Variants in TMEM114 observed in about 807,000 individuals in gnomAD.
The protein encoded by TMEM114 is claudin-26.
TMEM114 carries 6 observed loss-of-function variants against 6.2 expected under a neutral mutation model. The observed-to-expected ratio is 0.97, with a 90% CI of 0.53 to 1.91. The LOEUF is 1.91. TMEM114 is among the 40% of genes most tolerant of loss of function. The pLI is 0.01. For missense variants in TMEM114, 218 were observed against 158.3 expected (o/e 1.38, Z -2.02); for synonymous variants, 104 against 73.0 (o/e 1.42, Z -2.16).
In TMEM114 at chr16:8,573,405, T is replaced by C. The variant is rs190313718; in HGVS notation, c.302-1181A>G. On this transcript the variant is annotated intron_variant, in intron 2 of 3. Coordinates refer to ENST00000620492, the MANE Select transcript of TMEM114 (RefSeq NM_001146336.2). ...CCAAACAGTCAAAGATAAATAATAA[T>C]ACAACTTGTAAAATCAGCAAGTGGA... is the stretch of plus-strand genomic sequence containing the variant. Among the ~76,000 whole-genome samples, 188 of 152,130 alleles carry C rather than the reference T, an allele frequency of 1.2e-3. 1 individual carries two copies. Among genetic ancestry groups the C allele is most frequent in the African/African-American group, 4.0e-3 (165 of 41,498 alleles).
intron 2 of TMEM114, among the ~76,000 whole-genome samples, chr16:8,556,588 G>A (rs10431953): frequency 0.022 from 3,400 of 151,966 alleles, 133 homozygotes; most frequent in East Asian, 0.15. Flanking sequence ...TGCAACCTCC[G>A]CCTCCCGAGA....
chr16:8,581,483 C>T (rs1454374988), intron 2 of TMEM114, among the ~76,000 whole-genome samples: 3 of 152,026 alleles, frequency 2.0e-5, no homozygotes, highest in Admixed American at 6.6e-5. Context: ...AGACAGGGTC[C>T]CACTCTATTG....
At chr16:8,549,456 A>T (rs1900775246) in intron 2 of TMEM114, among the ~76,000 whole-genome samples, 1 of 148,274 alleles carries the variant, frequency 6.7e-6, no homozygotes, top group Admixed American at 6.8e-5. Flanking sequence ...GCCACGATTG[A>T]GCCACTTCAC....
rs1214095050 is a variant in TMEM114, at chr16:8,589,622, G to A, written c.217C>T (p.Arg73Trp). ...SSHSGLWRTC[R>W]VQSPCTPLMN... ...CAGCCACGGGGTGCACCCTTACCCC[G>A]GCAGGTCCGCCAGAGGCCGGAGTGG... The change falls in exon 1 of 4, where the codon CGG (arginine) becomes TGG (tryptophan). Residue 73 changes from arginine to tryptophan, a missense_variant. Transcript: ENST00000620492. 3.3e-5 allele frequency: 13 copies of A among 398,396 alleles called. No individual in the cohort carries two copies. The highest frequency in any genetic ancestry group is 6.2e-5 in the African/African-American group (3 of 48,626). 24.7% of individuals were successfully genotyped at this position (398,396 alleles called of 1,614,324 possible).
rs2141682186 is a variant in TMEM114 at position 8,569,981 on chromosome 16, C to G, written c.464G>C (p.Ser155Thr). 6.4e-7 allele frequency: 1 copy of G among 1,550,612 alleles called. No individual in the cohort carries two copies. The change falls in exon 4 of 4, where the codon AGC (serine) becomes ACC (threonine). Residue 155 changes from serine (S) to threonine (T), a missense_variant. Ser to Thr is a moderately conservative substitution (Grantham distance 58). Transcript: ENST00000620492. ...GGCGGCTGAATACGCTATGTAGACG[C>G]TGATCCCAGCGAGGGTCACCATGGC... ...FGAMVTLAGISVYIAYSAAAF... is the reference protein window; with the variant it reads ...FGAMVTLAGITVYIAYSAAAF...
chr16:8,555,605 C>A lies in TMEM114; in HGVS notation n.213-17779G>T, dbSNP rs1185071311. Among the ~76,000 whole-genome samples, 6 of 152,202 alleles carry A rather than the reference C, an allele frequency of 3.9e-5. No individual in the cohort carries two copies. The East Asian group carries it at 1.2e-3, about 29-fold the overall frequency. On this transcript the variant is annotated intron_variant and non_coding_transcript_variant, in intron 2 of 2. Coordinates refer to the TMEM114 transcript ENST00000623677. Reference sequence around the variant, plus strand: ...GTCCCAGCTTCCACCAGTCTTCAATCTGGTCCGGGGTCCAGTTATATCTGC... The same window carrying A: ...GTCCCAGCTTCCACCAGTCTTCAATATGGTCCGGGGTCCAGTTATATCTGC...
intron 2 of TMEM114, 74 bp from the exon 3 acceptor site, chr16:8,572,298 C>G: frequency 2.0e-6 from 3 of 1,515,096 alleles, no homozygotes; most frequent in Non-Finnish European, 2.7e-6. Flanking sequence ...AAACACTTCC[C>G]GAGCACCTAC....
At chr16:8,587,987 C>G (rs36163138) in intron 2 of TMEM114, among the ~76,000 whole-genome samples, 1 of 151,588 alleles carries the variant, frequency 6.6e-6, no homozygotes, top group African/African-American at 2.4e-5. Flanking sequence ...TTTCCTATCA[C>G]TATTAAAAAA....
At chr16:8,533,989 C>T (rs1328464695), downstream of TMEM114, among the ~76,000 whole-genome samples, 3 of 152,190 alleles carry the variant, frequency 2.0e-5, no homozygotes, top group African/African-American at 7.2e-5. Flanking sequence ...GCCTGGCACC[C>T]AGTACCTCTT....
intron 2 of TMEM114, among the ~76,000 whole-genome samples, chr16:8,547,681 G>A (rs570212035): frequency 2.0e-5 from 3 of 152,172 alleles, no homozygotes; most frequent in East Asian, 3.9e-4. Flanking sequence ...ATGAGCCACC[G>A]CACCCAGCCA....
chr16:8,560,838 T>A (rs1411719700), intron 2 of TMEM114, among the ~76,000 whole-genome samples: 1 of 152,120 alleles, frequency 6.6e-6, no homozygotes, highest in East Asian at 1.9e-4. Flanking sequence ...TAGTCTGTTC[T>A]CCACTGTTGG....
intron 2 of TMEM114, among the ~76,000 whole-genome samples, chr16:8,542,083 G>T (rs1321606826): frequency 6.6e-6 from 1 of 152,158 alleles, no homozygotes; most frequent in Non-Finnish European, 1.5e-5. Flanking sequence ...ATACCATTGT[G>T]CTGGCTGGAG....
intron 2 of TMEM114, among the ~76,000 whole-genome samples, chr16:8,572,808 G>C (rs923472683): frequency 3.9e-5 from 6 of 152,180 alleles, no homozygotes; most frequent in Admixed American, 6.5e-5. Context: ...CATTACAAGA[G>C]CCAGGGTGTT....
intron 2 of TMEM114, among the ~76,000 whole-genome samples, chr16:8,538,141 A>AAAC (rs1385271710): frequency 6.6e-6 from 1 of 150,548 alleles, no homozygotes. Flanking sequence ...TACAAAAAAA[A>AAAC]AAAAAAAAAA....
At chr16:8,581,311 A>G (rs1024897514) in intron 2 of TMEM114, among the ~76,000 whole-genome samples, 1 of 152,202 alleles carries the variant, frequency 6.6e-6, no homozygotes, top group African/African-American at 2.4e-5. Context: ...GCTATATAAT[A>G]TTCCACAACA....
chr16:8,584,843 A>G (rs983514008), intron 2 of TMEM114, among the ~76,000 whole-genome samples: 2 of 150,718 alleles, frequency 1.3e-5, no homozygotes. Flanking sequence ...AATTGCTTAA[A>G]TCCAGGAGGC....
At chr16:8,561,444 C>T (rs904134562) in intron 2 of TMEM114, among the ~76,000 whole-genome samples, 5 of 152,198 alleles carry the variant, frequency 3.3e-5, no homozygotes, top group African/African-American at 1.2e-4. Flanking sequence ...TCTGTCATAC[C>T]CGTGCACTCA....
At chr16:8,537,287 G>T (rs758160928), downstream of TMEM114, among the ~76,000 whole-genome samples, 1 of 152,116 alleles carries the variant, frequency 6.6e-6, no homozygotes, top group Non-Finnish European at 1.5e-5. Flanking sequence ...GATGACCTGA[G>T]ATCAGGAAGT....
intron 2 of TMEM114, among the ~76,000 whole-genome samples, chr16:8,587,557 T>C (rs1445962124): frequency 3.3e-5 from 5 of 152,208 alleles, no homozygotes; most frequent in African/African-American, 9.6e-5. Context: ...AAACTTAGCA[T>C]GTTCCAAGAA....
Sources: allele counts gnomAD v4.1 joint callset (sites outside exome capture counted in the v4.1 genomes callset), GRCh38; gene constraint gnomAD v4.1.1; transcripts MANE v1.5; gene names NCBI Gene and HGNC (gene_info 2026-07-23, HGNC 2026-07-21).